Variants in C12orf60 observed in about 807,000 individuals in gnomAD.
C12orf60 encodes the protein chromosome 12 open reading frame 60, also known as uncharacterized protein C12orf60.
For synonymous variants in C12orf60, 102 were observed against 94.6 expected (o/e 1.08, Z -0.45); for missense variants, 284 against 283.2 (o/e 1.00, Z -0.02).
intron 1 of C12orf60, among the ~76,000 whole-genome samples, chr12:14,822,461 A>G (rs1441775824): frequency 2.6e-5 from 4 of 152,104 alleles, no homozygotes; most frequent in African/African-American, 2.4e-5. Context: ...GAATTATCTG[A>G]TAGTGATTTT....
At chr12:14,819,946 T>C (rs1425235308) in intron 1 of C12orf60, among the ~76,000 whole-genome samples, 1 of 152,094 alleles carries the variant, frequency 6.6e-6, no homozygotes, top group Non-Finnish European at 1.5e-5. Context: ...ATAGAATTGT[T>C]ATTCTTTTTT....
chr12:14,807,330 A>G (rs1269092916), intron 1 of C12orf60, among the ~76,000 whole-genome samples: 1 of 152,178 alleles, frequency 6.6e-6, no homozygotes, highest in East Asian at 1.9e-4. Context: ...CTTTTATTTG[A>G]AACAGACCCC....
chr12:14,816,581 A>G (rs192307325), intron 1 of C12orf60, among the ~76,000 whole-genome samples: 1 of 151,962 alleles, frequency 6.6e-6, no homozygotes. Flanking sequence ...TTCTCCATTA[A>G]TTTTCCAGTA....
At position 14,823,243 on chromosome 12, in the gene C12orf60, A is replaced by G. The variant is rs1271750602; in HGVS notation, c.308A>G (p.Asn103Ser). 4.3e-6 allele frequency: 7 copies of G among 1,614,000 alleles called. No homozygotes were observed. The highest frequency in any genetic ancestry group is 3.3e-5 in the Admixed American group (2 of 59,994). Reference sequence around the variant, plus strand: ...TGCTCTGTGGTTCAGAAGAGTACCAATGTAGAGGAGTTGCATCAGTCAGCT... The same window carrying G: ...TGCTCTGTGGTTCAGAAGAGTACCAGTGTAGAGGAGTTGCATCAGTCAGCT... ...AMCSVVQKST[N>S]VEELHQSAKE... Residue 103 changes from asparagine to serine, a missense_variant, in exon 2 of 2, where the codon AAT (asparagine) becomes AGT (serine). By Grantham distance (46) the Asn-to-Ser change is conservative. Coordinates refer to ENST00000330828, the MANE Select transcript of C12orf60 (RefSeq NM_175874.4).
intron 1 of C12orf60, among the ~76,000 whole-genome samples, chr12:14,818,183 A>G (rs921630696): frequency 2.6e-5 from 4 of 151,814 alleles, no homozygotes; most frequent in African/African-American, 9.7e-5. Flanking sequence ...TAGGGTTGTA[A>G]ATTTGTTTAA....
intron 1 of C12orf60, among the ~76,000 whole-genome samples, chr12:14,820,563 A>C (rs1950290622): frequency 6.6e-6 from 1 of 151,864 alleles, no homozygotes; most frequent in Non-Finnish European, 1.5e-5. Flanking sequence ...TAATTTCTAT[A>C]TTTTTGTGAC....
At chr12:14,810,801 A>G (rs1950124336) in intron 1 of C12orf60, among the ~76,000 whole-genome samples, 1 of 152,188 alleles carries the variant, frequency 6.6e-6, no homozygotes, top group Non-Finnish European at 1.5e-5. Flanking sequence ...GGCAGTGTGC[A>G]GTATTTTCGC....
chr12:14,823,218 T>C lies in C12orf60; in HGVS notation c.283T>C (p.Cys95Arg). The C allele has an allele frequency of 6.2e-7, 1 of 1,614,176 alleles. No homozygotes were observed. The highest frequency in any genetic ancestry group is 8.5e-7 in the Non-Finnish European group (1 of 1,180,012). ...SLCSKVAMAM[C>R]SVVQKSTNVE... is the part of the protein sequence containing the mutation. ...ATGTTCCAAGGTTGCAATGGCCATGTGCTCTGTGGTTCAGAAGAGTACCAA... is the reference window on the plus strand; with the variant it reads ...ATGTTCCAAGGTTGCAATGGCCATGCGCTCTGTGGTTCAGAAGAGTACCAA... Residue 95 changes from cysteine (C) to arginine (R), a missense_variant, in exon 2 of 2, where the codon TGC becomes CGC. Cys to Arg is a radical substitution (Grantham distance 180). Transcript: ENST00000330828.
rs147900473 is a variant in C12orf60 at position 14,817,487 on chromosome 12, C to A, written c.-24-5425C>A. 7.9e-5 allele frequency among the ~76,000 whole-genome samples: 12 copies of A among 152,300 alleles called. No individual in the cohort carries two copies. In the East Asian group the frequency reaches 1.9e-3, roughly 24 times the overall value. ...CTTTAAGTTCCCTCCCCTCGCCCCC[C>A]ACTCCTCAACTGGCCCTGGTGTGTG... On this transcript the variant is annotated intron_variant, in intron 1 of 1. Coordinates refer to ENST00000330828, the MANE Select transcript of C12orf60 (RefSeq NM_175874.4).
chr12:14,809,139 T>C (rs1475596545), intron 1 of C12orf60, among the ~76,000 whole-genome samples: 2 of 152,180 alleles, frequency 1.3e-5, no homozygotes, highest in African/African-American at 4.8e-5. Context: ...GTTCAAAATA[T>C]CTCTAGCAGC....
rs960958437 is a variant in C12orf60, at chr12:14,806,754, G to T, written c.-25+3003G>T. The T allele has an allele frequency of 3.7e-5, 53 of 1,424,388 alleles. 1 individual carries two copies. The Admixed American group carries it at 4.1e-4, about 11-fold the overall frequency. 88.2% of individuals were successfully genotyped at this position (1,424,388 alleles called of 1,614,324 possible). ...GTCTTAAAAAATGTCTGCTAACTGT[G>T]TAGAAGGGACTAGGAAATCTTTTTC... On this transcript the variant is annotated intron_variant, in intron 1 of 1. Transcript: ENST00000330828.
intron 1 of C12orf60, among the ~76,000 whole-genome samples, chr12:14,808,635 G>A (rs909395042): frequency 7.2e-5 from 11 of 151,982 alleles, no homozygotes; most frequent in Non-Finnish European, 1.2e-4. Flanking sequence ...AGTTGGCAAC[G>A]GAAAAGAGAA....
In C12orf60 at chr12:14,824,052, G is replaced by GA. The variant is rs1310083698; in HGVS notation, c.*383dup. ...AAACTGTAAATATTATCATTAGATA[G>GA]AAAATCTAGGCCTGGGAAACAAAAT... On this transcript the variant is annotated 3_prime_UTR_variant, in exon 2 of 2. Transcript: ENST00000330828. The GA allele has an allele frequency of 1.3e-5, 2 of 154,954 alleles. No individual in the cohort carries two copies. The highest frequency in any genetic ancestry group is 4.8e-5 in the African/African-American group (2 of 41,500). 9.6% of individuals were successfully genotyped at this position (154,954 alleles called of 1,614,324 possible). A position where few individuals can be genotyped will look rare whatever the true frequency, so the allele number is the denominator to read the frequency against.
In C12orf60 at chr12:14,822,994, T is replaced by C; in HGVS notation, c.59T>C (p.Phe20Ser). The change falls in exon 2 of 2, where the codon TTC becomes TCC. Residue 20 changes from phenylalanine to serine, a missense_variant. Physicochemically the swap from Phe to Ser is radical, Grantham distance 155. Transcript: ENST00000330828. Reference sequence around the variant, plus strand: ...CTGATTCAAGCTGCCAAAATGTTCTTCTTTCATGTACAAGATCTTGCTTCT... The same window carrying C: ...CTGATTCAAGCTGCCAAAATGTTCTCCTTTCATGTACAAGATCTTGCTTCT... The part of the protein sequence containing the change: ...ERLIQAAKMF[F>S]FHVQDLASVI... The C allele has an allele frequency of 1.2e-6, 2 of 1,609,266 alleles. No homozygotes were observed. The highest frequency in any genetic ancestry group is 1.7e-6 in the Non-Finnish European group (2 of 1,176,132).
chr12:14,806,409 A>G (rs1950050737), intron 1 of C12orf60: 3 of 1,614,046 alleles, frequency 1.9e-6, no homozygotes, highest in Admixed American at 1.7e-5. Flanking sequence ...GGTTGGCTCT[A>G]GCTTATCTTT....
intron 1 of C12orf60, among the ~76,000 whole-genome samples, chr12:14,810,420 A>G (rs1012979657): frequency 3.9e-5 from 6 of 152,226 alleles, no homozygotes; most frequent in Non-Finnish European, 8.8e-5. Flanking sequence ...TTAACAATTC[A>G]TCTAATAGGT....
At chr12:14,806,082 A>G (rs1950043778) in intron 1 of C12orf60, 1 of 1,614,034 alleles carries the variant, frequency 6.2e-7, no homozygotes, top group South Asian at 1.1e-5. Flanking sequence ...TTTGAACTCC[A>G]CCAGATGCTT....
chr12:14,812,411 G>A (rs1421910669), intron 1 of C12orf60, among the ~76,000 whole-genome samples: 2 of 152,024 alleles, frequency 1.3e-5, no homozygotes, highest in Non-Finnish European at 2.9e-5. Flanking sequence ...GCCACTGCAC[G>A]CCGGCCTGGG....
Position 14,823,129 on chromosome 12 carries a change from A to G in C12orf60, c.194A>G (p.Lys65Arg), listed in dbSNP as rs7304054. 0.15 allele frequency: 241,866 copies of G among 1,613,986 alleles called. 19,799 individuals carry two copies. The highest frequency in any genetic ancestry group is 0.27 in the African/African-American group (19,908 of 74,958). Residue 65 changes from lysine (K) to arginine (R), a missense_variant, in exon 2 of 2, where the codon AAA (lysine) becomes AGA (arginine). Lys to Arg is a conservative substitution (Grantham distance 26). Coordinates refer to ENST00000330828, the MANE Select transcript of C12orf60 (RefSeq NM_175874.4). ...AAGGATTTTTTTGAGCAAATGCTCA[A>G]AATTTTTAAGGAGATGCAATCTGTA... ...YIKDFFEQML[K>R]IFKEMQSVVD...
Sources: gnomAD v4.1 joint callset for allele counts (sites outside exome capture counted in the v4.1 genomes callset) on GRCh38, gnomAD v4.1.1 for gene constraint, MANE v1.5 for transcripts, NCBI Gene and HGNC (gene_info 2026-07-23, HGNC 2026-07-21) for gene names.